SAMD12: variants seen among roughly 807,000 people sequenced by gnomAD.
The protein encoded by SAMD12 is sterile alpha motif domain-containing protein 12.
A neutral mutation model predicts 15.0 loss-of-function variants in SAMD12; 9 were observed. The observed-to-expected ratio is 0.60, with a 90% CI of 0.36 to 1.05. The LOEUF (loss-of-function observed/expected upper bound fraction) is 1.05. Ranked by LOEUF, SAMD12 falls within the 50% of genes least tolerant of loss-of-function variation. The pLI is 0.01. For synonymous variants in SAMD12, 86 were observed against 90.1 expected (o/e 0.96, Z 0.25); for missense variants, 230 against 234.2 (o/e 0.98, Z 0.12).
Position 118,439,819 on chromosome 8 carries a change from C to T in SAMD12, c.322+13G>A, listed in dbSNP as rs199562368. The T allele has an allele frequency of 5.8e-5, 94 of 1,611,210 alleles. No homozygotes were observed. In the East Asian group the frequency reaches 1.9e-3, roughly 33 times the overall value. On this transcript the variant is annotated intron_variant, in intron 3 of 3. Transcript: ENST00000314727. ...GAAAAGGAGTGAAATATCTGGGATA[C>T]TGCATACTTTACCAGTTATGTCATG...
At chr8:118,304,232 A>T (rs1484336553) in intron 4 of SAMD12, among the ~76,000 whole-genome samples, 1 of 152,200 alleles carries the variant, frequency 6.6e-6, no homozygotes, top group East Asian at 1.9e-4. Context: ...CTTCATGGTC[A>T]TATCAAGCTC....
At chr8:118,469,983 T>G (rs1338487417) in intron 2 of SAMD12, among the ~76,000 whole-genome samples, 1 of 152,118 alleles carries the variant, frequency 6.6e-6, no homozygotes, top group Non-Finnish European at 1.5e-5. Flanking sequence ...TACCATAATT[T>G]TATATATACA....
chr8:118,547,373 T>C (rs978711408), intron 2 of SAMD12, among the ~76,000 whole-genome samples: 1 of 152,118 alleles, frequency 6.6e-6, no homozygotes, highest in Non-Finnish European at 1.5e-5. Flanking sequence ...AAGGCTAGTT[T>C]CTCCCCTCTG....
intron 2 of SAMD12, among the ~76,000 whole-genome samples, chr8:118,538,755 G>C (rs915075539): frequency 6.6e-6 from 1 of 152,156 alleles, no homozygotes; most frequent in Non-Finnish European, 1.5e-5. Flanking sequence ...TTCCTACGAA[G>C]GTGCTCTTTG....
the SAMD12 span, among the ~76,000 whole-genome samples, chr8:118,178,158 ATGTT>A: frequency 5.3e-5 from 8 of 152,354 alleles, no homozygotes. Context: ...AAAACACTAA[ATGTT>A]TGAGACTAGA....
intron 4 of SAMD12, among the ~76,000 whole-genome samples, chr8:118,359,025 GTA>G (rs1023408690): frequency 2.9e-4 from 43 of 146,830 alleles, no homozygotes; most frequent in Admixed American, 1.1e-3. Flanking sequence ...GTGTGTGTGT[GTA>G]TATATATATA....
chr8:118,604,096 A>G (rs1455374374), intron 1 of SAMD12, among the ~76,000 whole-genome samples: 2 of 152,200 alleles, frequency 1.3e-5, no homozygotes, highest in Non-Finnish European at 2.9e-5. Flanking sequence ...TTTCAACTAT[A>G]CATACATACC....
downstream of SAMD12, among the ~76,000 whole-genome samples, chr8:118,184,529 T>C (rs1225350419): frequency 2.6e-5 from 4 of 152,348 alleles, no homozygotes; most frequent in Non-Finnish European, 5.9e-5. Context: ...AGAGTCTCAC[T>C]CTATCACCCA....
rs1232293647 is a variant in SAMD12 at position 118,191,766 on chromosome 8, A to T, written c.*5944T>A. The T allele has an allele frequency of 2.3e-3, 33 of 14,506 alleles. 1 individual carries two copies. The highest frequency in any genetic ancestry group is 1.8e-3 in the Non-Finnish European group (16 of 8,862). The allele number at this position is 14,506 out of a possible 1,614,324, so 0.9% of individuals were successfully genotyped here. A position where few individuals can be genotyped will look rare whatever the true frequency, so the allele number is the denominator to read the frequency against. The stretch of plus-strand genomic sequence containing the variant: ...AAAAAATACTGGAGATTATATATAT[A>T]TATATATATATATATATATATATAT... On this transcript the variant is annotated 3_prime_UTR_variant, in exon 5 of 5. Transcript: ENST00000409003.
intron 3 of SAMD12, among the ~76,000 whole-genome samples, chr8:118,386,883 T>C (rs1361628466): frequency 6.6e-6 from 1 of 152,218 alleles, no homozygotes; most frequent in African/African-American, 2.4e-5. Flanking sequence ...CCCTGTCCTA[T>C]TGGGAAATCT....
chr8:118,559,664 A>G (rs558128215), intron 2 of SAMD12, among the ~76,000 whole-genome samples: 1 of 152,328 alleles, frequency 6.6e-6, no homozygotes, highest in South Asian at 2.1e-4. Context: ...GATAACTGCT[A>G]CAAGTGTTTG....
chr8:118,522,209 C>A lies in SAMD12; in HGVS notation c.192+58506G>T, dbSNP rs1189086521. On this transcript the variant is annotated intron_variant, in intron 2 of 3. Coordinates refer to ENST00000314727, the MANE Select transcript of SAMD12 (RefSeq NM_207506.3). ...ACACACACACACACATACACACACACACACACGATAAAAAGAGAGAAATCA... is the reference window on the plus strand; with the variant it reads ...ACACACACACACACATACACACACAAACACACGATAAAAAGAGAGAAATCA... 7.1e-3 allele frequency among the ~76,000 whole-genome samples: 800 copies of A among 112,342 alleles called. 9 individuals are homozygous for A. The highest frequency in any genetic ancestry group is 0.025 in the African/African-American group (688 of 27,194). The allele number at this position is 112,342 out of a possible 152,430, so 73.7% of individuals were successfully genotyped here.
At chr8:118,355,954 G>A (rs1004416612) in intron 4 of SAMD12, among the ~76,000 whole-genome samples, 2 of 152,126 alleles carry the variant, frequency 1.3e-5, no homozygotes, top group Non-Finnish European at 2.9e-5. Context: ...TTATCTTGCT[G>A]GCTTGAGAAT....
At chr8:118,340,750 C>T (rs2130544879) in intron 4 of SAMD12, among the ~76,000 whole-genome samples, 1 of 152,214 alleles carries the variant, frequency 6.6e-6, no homozygotes, top group African/African-American at 2.4e-5. Flanking sequence ...GCCTGGGCGA[C>T]AGAGTGAGAC....
chr8:118,578,034 C>G (rs1019193974), intron 2 of SAMD12, among the ~76,000 whole-genome samples: 2 of 152,168 alleles, frequency 1.3e-5, no homozygotes, highest in Admixed American at 6.5e-5. Context: ...CAGATAGAAT[C>G]TGCTGCTCAA....
At chr8:118,467,259 T>C (rs1013076155) in intron 2 of SAMD12, among the ~76,000 whole-genome samples, 2 of 152,198 alleles carry the variant, frequency 1.3e-5, no homozygotes, top group African/African-American at 4.8e-5. Context: ...AAATCCCAGC[T>C]TGACACCTAC....
intron 4 of SAMD12, among the ~76,000 whole-genome samples, chr8:118,299,141 T>A (rs534183080): frequency 1.3e-5 from 2 of 152,204 alleles, no homozygotes; most frequent in African/African-American, 4.8e-5. Context: ...CAGAAGGAAG[T>A]TTGACTAGCG....
At chr8:118,212,962 A>T (rs1174139919) in intron 4 of SAMD12, among the ~76,000 whole-genome samples, 1 of 152,218 alleles carries the variant, frequency 6.6e-6, no homozygotes, top group Non-Finnish European at 1.5e-5. Flanking sequence ...TATCCTGTAG[A>T]TACCTAACAA....
Position 118,575,701 on chromosome 8 carries a change from GA to G in SAMD12, c.192+5013del, listed in dbSNP as rs143300536. On this transcript the variant is annotated intron_variant, in intron 2 of 3. Coordinates refer to ENST00000314727, the MANE Select transcript of SAMD12 (RefSeq NM_207506.3). ...ACTCCAGGAATTAGCATTGTGGCAG[GA>G]AAAAACAAAGGATTATCAACCTTAT... 9.3e-3 allele frequency among the ~76,000 whole-genome samples: 1,416 copies of G among 152,072 alleles called. 22 individuals are homozygous for G. The highest frequency in any genetic ancestry group is 0.032 in the African/African-American group (1,341 of 41,498).
Sources: allele counts gnomAD v4.1 joint callset (sites outside exome capture counted in the v4.1 genomes callset), GRCh38; gene constraint gnomAD v4.1.1; transcripts MANE v1.5; gene names NCBI Gene and HGNC (gene_info 2026-07-23, HGNC 2026-07-21).